Variants in SART1 observed in about 807,000 individuals in gnomAD.
SART1 encodes the protein spliceosome associated factor 1, recruiter of U4/U6.U5 tri-snRNP, also known as U4/U6.U5 tri-snRNP-associated protein 1.
A neutral mutation model predicts 105.0 loss-of-function variants in SART1; 28 were observed. The ratio of observed to expected loss-of-function variants is 0.27; its 90% CI spans 0.20 to 0.37. The LOEUF (loss-of-function observed/expected upper bound fraction) is 0.37. Among genes scored for constraint, SART1 ranks in the 10% least tolerant of loss-of-function variants. The probability of loss-of-function intolerance (pLI) is 1.00; values close to 1 mark genes in which losing one functional copy is unlikely to be tolerated. For missense variants in SART1, 894 were observed against 1,106.5 expected, an observed-to-expected ratio of 0.81 and a Z score of 2.72; for synonymous variants, 472 against 462.9, an observed-to-expected ratio of 1.02 and a Z score of -0.25.
chr11:65,966,566 C>G lies in SART1; in HGVS notation c.1188+10C>G, dbSNP rs1590635009. On this transcript the variant is annotated intron_variant, in intron 9 of 19. Coordinates refer to ENST00000312397, the MANE Select transcript of SART1 (RefSeq NM_005146.5). ...CACGCCTGAGGAGATGGTGAGCCCT[C>G]CCGTGCCTTATACTCGGGGTCAAGA... 4 of 1,499,460 alleles carry G rather than the reference C, an allele frequency of 2.7e-6. No homozygotes were observed. Among genetic ancestry groups the G allele is most frequent in the Non-Finnish European group, 3.5e-6 (4 of 1,128,148 alleles). The allele number at this position is 1,499,460 out of a possible 1,614,324, so 92.9% of individuals were successfully genotyped here.
chr11:65,973,486 A>G (rs139015845), intron 12 of SART1, among the ~76,000 whole-genome samples: 10 of 152,352 alleles, frequency 6.6e-5, no homozygotes, highest in Non-Finnish European at 2.9e-5. Context: ...CCACCTGCCA[A>G]CAATTCCGCA....
intron 12 of SART1, among the ~76,000 whole-genome samples, chr11:65,974,598 G>A (rs575943233): frequency 5.1e-4 from 77 of 152,188 alleles, no homozygotes; most frequent in African/African-American, 1.6e-3. Flanking sequence ...AGGATCACTT[G>A]AACCTGGGAG....
At chr11:65,965,289 G>C (rs965580142) in intron 4 of SART1, 53 bp from the exon 5 acceptor site, 87 of 1,603,742 alleles carry the variant, frequency 5.4e-5, no homozygotes, top group Non-Finnish European at 7.0e-5. Flanking sequence ...CCTCTTGAGT[G>C]GGGTGGGGAG....
intron 3 of SART1, 102 bp from the exon 4 acceptor site, chr11:65,964,990 C>G (rs1302549453): frequency 7.0e-7 from 1 of 1,420,244 alleles, no homozygotes; most frequent in Non-Finnish European, 9.4e-7. Context: ...CTGTCCTGAC[C>G]CCTTCTGGCC....
intron 2 of SART1, 62 bp from the exon 3 acceptor site, chr11:65,964,453 G>T: frequency 6.3e-7 from 1 of 1,583,494 alleles, no homozygotes; most frequent in Non-Finnish European, 8.7e-7. Context: ...TTGTCTGTCT[G>T]GAAATGCACA....
Position 65,977,776 on chromosome 11 carries a change from C to G in SART1, c.2049C>G (p.Asp683Glu), listed in dbSNP as rs370488726. The G allele has an allele frequency of 6.2e-7, 1 of 1,613,994 alleles. No homozygotes were observed. The highest frequency in any genetic ancestry group is 8.5e-7 in the Non-Finnish European group (1 of 1,180,008). ...TGTCTCGGGCCAGGGCCATCGATGA[C>G]AAGTACAGCCGGAGGGAGGAATACC... is the stretch of plus-strand genomic sequence containing the variant. ...YCIEDKMAID[D>E]KYSRREEYRG... The change falls in exon 17 of 20, where the codon GAC becomes GAG. Residue 683 changes from aspartate (D) to glutamate (E), a missense_variant. Asp to Glu is a conservative substitution (Grantham distance 45). Around this residue, in one of 2 missense-constraint regions of SART1, gnomAD observed 182 missense variants for 328.3 expected, o/e 0.55. Transcript: ENST00000312397.
At chr11:65,964,706 C>T (rs546655570) in intron 3 of SART1, 136 bp downstream of exon 3, 18 of 861,568 alleles carry the variant, frequency 2.1e-5, no homozygotes, top group Non-Finnish European at 3.1e-5. Flanking sequence ...GGCATGAGGT[C>T]CCTCCTTGCT....
In SART1 at chr11:65,962,102, G is replaced by GGGGGGGGGTGGGGGGGGGGGC; in HGVS notation, c.313+9_313+10insGGGGGGGGTGGGGGGGGGGGC. The GGGGGGGGGTGGGGGGGGGGGC allele has an allele frequency of 1.4e-6, 2 of 1,418,180 alleles. No homozygotes were observed. The highest frequency in any genetic ancestry group is 1.8e-6 in the Non-Finnish European group (2 of 1,085,778). 87.8% of individuals were successfully genotyped at this position (1,418,180 alleles called of 1,614,324 possible). A position where few individuals can be genotyped will look rare whatever the true frequency, so the allele number is the denominator to read the frequency against. On this transcript the variant is annotated intron_variant, in intron 1 of 19. Transcript: ENST00000312397. Reference sequence around the variant, plus strand: ...TGACGGCTACGAGGCCGGTGAGGAGGCGGGGCCTGCGCAGGGGGCGGGTCG... The same window carrying GGGGGGGGGTGGGGGGGGGGGC: ...TGACGGCTACGAGGCCGGTGAGGAGGGGGGGGGGTGGGGGGGGGGGCCGGGGCCTGCGCAGGGGGCGGGTCG...
At chr11:65,964,302 A>G (rs1204658779) in intron 2 of SART1, 171 bp downstream of exon 2, 5 of 829,440 alleles carry the variant, frequency 6.0e-6, no homozygotes, top group Non-Finnish European at 1.0e-5. Context: ...ACCTAAGAGT[A>G]AAGTGGCATT....
At chr11:65,972,049 GTTAGGGC>G (rs1293318781) in intron 12 of SART1, among the ~76,000 whole-genome samples, 1 of 152,028 alleles carries the variant, frequency 6.6e-6, no homozygotes, top group Non-Finnish European at 1.5e-5. Flanking sequence ...GTCATTGGGG[GTTAGGGC>G]TTCCCGATAT....
At chr11:65,972,299 A>G (rs1274270276) in intron 12 of SART1, among the ~76,000 whole-genome samples, 1 of 152,124 alleles carries the variant, frequency 6.6e-6, no homozygotes, top group African/African-American at 2.4e-5. Flanking sequence ...CCGAGACAGA[A>G]TCGTGTCCCA....
intron 12 of SART1, among the ~76,000 whole-genome samples, chr11:65,972,413 A>G (rs998691009): frequency 6.6e-6 from 1 of 152,208 alleles, no homozygotes; most frequent in African/African-American, 2.4e-5. Context: ...TTGCAGATAG[A>G]TTAAGAACTT....
At chr11:65,972,059 C>T (rs1279721201) in intron 12 of SART1, among the ~76,000 whole-genome samples, 1 of 151,998 alleles carries the variant, frequency 6.6e-6, no homozygotes, top group Non-Finnish European at 1.5e-5. Context: ...GTTAGGGCTT[C>T]CCGATATGAA....
intron 1 of SART1, 41 bp downstream of exon 1, chr11:65,962,134 G>GGGGGGGGGGGGGGGGGGC: frequency 5.3e-6 from 2 of 378,092 alleles, no homozygotes; most frequent in Non-Finnish European, 4.8e-6. Context: ...GTCGGGCGGG[G>GGGGGGGGGGGGGGGGGGC]GTCCCGGAAC....
At position 65,962,026 on chromosome 11, in the gene SART1, G is replaced by A. The variant is rs573772079; in HGVS notation, c.246G>A (p.Glu82=). ...AEARSSTHGR[E]RSQAEPSERR... is the part of the protein sequence containing the mutation. ...CCCGGAGCAGCACGCACGGGCGGGAGCGCAGCCAGGCAGAGCCCTCCGAGC... is the reference window on the plus strand; with the variant it reads ...CCCGGAGCAGCACGCACGGGCGGGAACGCAGCCAGGCAGAGCCCTCCGAGC... The change falls in exon 1 of 20, where the codon GAG becomes GAA. Residue 82 remains glutamate, a synonymous_variant. Transcript: ENST00000312397. 117 of 1,509,458 alleles carry A rather than the reference G, an allele frequency of 7.8e-5. 1 individual carries two copies. Among genetic ancestry groups the A allele is most frequent in the Middle Eastern group, 7.0e-4 (3 of 4,274 alleles). The allele number at this position is 1,509,458 out of a possible 1,614,324, so 93.5% of individuals were successfully genotyped here. A position where few individuals can be genotyped will look rare whatever the true frequency, so the allele number is the denominator to read the frequency against.
chr11:65,972,794 A>T (rs1195797838), intron 12 of SART1, among the ~76,000 whole-genome samples: 5 of 152,010 alleles, frequency 3.3e-5, no homozygotes, highest in Non-Finnish European at 7.4e-5. Context: ...TCAAAAAAAA[A>T]AAAAAACCAA....
intron 5 of SART1, 34 bp from the exon 6 acceptor site, chr11:65,965,668 C>T: frequency 6.2e-7 from 1 of 1,601,014 alleles, no homozygotes; most frequent in Non-Finnish European, 8.5e-7. Context: ...GCTGAGTGGC[C>T]TGAAGTCCTA....
Position 65,978,156 on chromosome 11 carries a change from C to T in SART1, c.2172+257C>T, listed in dbSNP as rs1262802594. The T allele has an allele frequency of 5.4e-6, 3 of 553,546 alleles. No homozygotes were observed. The highest frequency in any genetic ancestry group is 1.9e-5 in the African/African-American group (1 of 52,906). The allele number at this position is 553,546 out of a possible 1,614,324, so 34.3% of individuals were successfully genotyped here. A position where few individuals can be genotyped will look rare whatever the true frequency, so the allele number is the denominator to read the frequency against. On this transcript the variant is annotated intron_variant, in intron 17 of 19. Coordinates refer to ENST00000312397, the MANE Select transcript of SART1 (RefSeq NM_005146.5). This position sits in a 1 kb window ranked among gnomAD's most constrained non-coding sequence, Gnocchi z 6.8. ...CAGACAGGCACTCGGGACCTCTGCC[C>T]TCCTGTCCTCACCTGCGTGAGCCCT...
rs766511006 is a variant in SART1 at position 65,977,672 on chromosome 11, G to A, written c.2036+19G>A. 1.2e-6 allele frequency: 2 copies of A among 1,613,818 alleles called. No individual in the cohort carries two copies. The highest frequency in any genetic ancestry group is 1.7e-6 in the Non-Finnish European group (2 of 1,179,786). On this transcript the variant is annotated intron_variant, in intron 16 of 19. Transcript: ENST00000312397. The stretch of plus-strand genomic sequence containing the variant: ...ATAAGATGTGAGTGTGGTGGGGCCT[G>A]TGCAGGGCTGAGGGGCCTGTGCCAG...
Sources: gnomAD v4.1 joint callset for allele counts (sites outside exome capture counted in the v4.1 genomes callset) on GRCh38, gnomAD v4.1.1 for gene constraint, gnomAD v4.1.1 regional missense constraint, Gnocchi (gnomAD v3.1) non-coding constraint, MANE v1.5 for transcripts, NCBI Gene and HGNC (gene_info 2026-07-23, HGNC 2026-07-21) for gene names.